Variants in CNPY1 observed in about 807,000 individuals in gnomAD.
The protein encoded by CNPY1 is canopy FGF signaling regulator 1.
In CNPY1, 14 loss-of-function variants were observed where a neutral mutation model predicts 14.4. The ratio of observed to expected loss-of-function variants is 0.97; its 90% CI spans 0.64 to 1.52. The LOEUF is 1.52. CNPY1 is among the 40% of genes most tolerant of loss of function. CNPY1 has a pLI of 0.00. For synonymous variants in CNPY1, 43 were observed against 46.5 expected, an observed-to-expected ratio of 0.92 and a Z score of 0.31; for missense variants, 129 against 131.5, an observed-to-expected ratio of 0.98 and a Z score of 0.09.
rs188552485 is a variant in CNPY1 at position 155,511,181 on chromosome 7, G to C, written c.100-2084C>G. On this transcript the variant is annotated intron_variant, in intron 2 of 4. Transcript: ENST00000636446. ...GAAAAGTAAACATACTTGATACTTG[G>C]GGGGATGGGGACAGAGCCAGGAGGA... Among the ~76,000 whole-genome samples the C allele has an allele frequency of 5.9e-5, 9 of 152,232 alleles. No individual in the cohort carries two copies. In the East Asian group the frequency reaches 1.7e-3, roughly 29 times the overall value.
intron 4 of CNPY1, among the ~76,000 whole-genome samples, chr7:155,505,206 C>T (rs1369656334): frequency 1.3e-5 from 2 of 152,154 alleles, no homozygotes; most frequent in African/African-American, 2.4e-5. Flanking sequence ...CATGAAGAAA[C>T]ATTACCTGAA....
chr7:155,533,228 G>A (rs930943240), intron 2 of CNPY1, among the ~76,000 whole-genome samples: 23 of 152,180 alleles, frequency 1.5e-4, no homozygotes, highest in African/African-American at 5.1e-4. Context: ...CGCGCCCGAC[G>A]GGAACGGCTG....
At chr7:155,521,412 C>G (rs1192199889) in intron 2 of CNPY1, among the ~76,000 whole-genome samples, 1 of 152,202 alleles carries the variant, frequency 6.6e-6, no homozygotes, top group African/African-American at 2.4e-5. Flanking sequence ...CGCCATGAAG[C>G]CAAACGCTAA....
chr7:155,538,682 G>C (rs983908218), intron 2 of CNPY1, among the ~76,000 whole-genome samples: 8 of 152,178 alleles, frequency 5.3e-5, no homozygotes, highest in African/African-American at 1.9e-4. Flanking sequence ...TCTGGGGGCT[G>C]GGGGTGGGAG....
In CNPY1 at chr7:155,514,776, C is replaced by T. The variant is rs968706626; in HGVS notation, c.100-5679G>A. On this transcript the variant is annotated intron_variant, in intron 2 of 4. Transcript: ENST00000636446. ...AGGTGTGGTGGTGCATGCCTGTCATCCCAGCTACTCAGGAGGCTAAGGCGG... is the reference window on the plus strand; with the variant it reads ...AGGTGTGGTGGTGCATGCCTGTCATTCCAGCTACTCAGGAGGCTAAGGCGG... Among the ~76,000 whole-genome samples, 4 of 152,210 alleles carry T rather than the reference C, an allele frequency of 2.6e-5. No individual in the cohort carries two copies. In the East Asian group the frequency reaches 7.7e-4, roughly 29 times the overall value.
intron 2 of CNPY1, among the ~76,000 whole-genome samples, chr7:155,523,673 G>C (rs915269411): frequency 2.0e-5 from 3 of 152,210 alleles, no homozygotes; most frequent in African/African-American, 7.2e-5. Context: ...TTGGATAGTG[G>C]AGAGTGCCCC....
At chr7:155,524,924 T>G (rs1403209638) in intron 2 of CNPY1, among the ~76,000 whole-genome samples, 1 of 152,022 alleles carries the variant, frequency 6.6e-6, no homozygotes, top group Non-Finnish European at 1.5e-5. Context: ...CAAGGGAAGA[T>G]TCAGGTCTAT....
rs1264783027 is a variant in CNPY1 at position 155,501,311 on chromosome 7, T to A, written c.*1757A>T. 1 of 152,204 alleles carries A rather than the reference T, an allele frequency of 6.6e-6. No homozygotes were observed. Among genetic ancestry groups the A allele is most frequent in the Non-Finnish European group, 1.5e-5 (1 of 68,024 alleles). 9.4% of individuals were successfully genotyped at this position (152,204 alleles called of 1,614,324 possible). The stretch of plus-strand genomic sequence containing the variant: ...AGGAGGTGCACCTCCCCACGTCCGT[T>A]TAGTTACAAACAGGAGCCCACATTT... On this transcript the variant is annotated 3_prime_UTR_variant, in exon 5 of 5. Transcript: ENST00000636446.
intron 2 of CNPY1, among the ~76,000 whole-genome samples, chr7:155,529,772 TTTTC>T (rs1220813747): frequency 1.6e-5 from 2 of 125,724 alleles, no homozygotes; most frequent in Admixed American, 8.2e-5. Flanking sequence ...TTCAAGTTTC[TTTTC>T]TTTTTTTTTT....
chr7:155,505,152 G>A (rs1023020725), intron 4 of CNPY1, among the ~76,000 whole-genome samples: 1 of 151,996 alleles, frequency 6.6e-6, no homozygotes. Flanking sequence ...ATTTATTCTC[G>A]GTTTTTAACT....
intron 2 of CNPY1, among the ~76,000 whole-genome samples, chr7:155,513,810 A>C (rs1265964866): frequency 2.0e-5 from 3 of 152,242 alleles, no homozygotes; most frequent in Non-Finnish European, 4.4e-5. Flanking sequence ...ATGAAGTTAA[A>C]AAACACACTT....
chr7:155,508,910 C>A lies in CNPY1; in HGVS notation c.287G>T (p.Arg96Ile), dbSNP rs1305203139. ...KKLYFYSDAY[R>I]PLKFACETII... Reference sequence around the variant, plus strand: ...AGAGCTTACCGCAAATTTCAAAGGTCTGTAAGCATCAGAATAAAAATACAA... The same window carrying A: ...AGAGCTTACCGCAAATTTCAAAGGTATGTAAGCATCAGAATAAAAATACAA... Residue 96 changes from arginine to isoleucine, a missense_variant, in exon 3 of 5, where the codon AGA (arginine) becomes ATA (isoleucine). By Grantham distance (97) the Arg-to-Ile change is moderately conservative (BLOSUM62 -3). Transcript: ENST00000636446. The A allele has an allele frequency of 1.2e-6, 2 of 1,613,628 alleles. No individual in the cohort carries two copies. Among genetic ancestry groups the A allele is most frequent in the African/African-American group, 2.7e-5 (2 of 74,888 alleles).
At position 155,513,797 on chromosome 7, in the gene CNPY1, T is replaced by C. The variant is rs528134427; in HGVS notation, c.100-4700A>G. Reference sequence around the variant, plus strand: ...TGGGGGTCATCTAACAATTTGATTCTTTATGAAGTTAAAAAACACACTTTC... The same window carrying C: ...TGGGGGTCATCTAACAATTTGATTCCTTATGAAGTTAAAAAACACACTTTC... On this transcript the variant is annotated intron_variant, in intron 2 of 4. Coordinates refer to ENST00000636446, the MANE Select transcript of CNPY1 (RefSeq NM_001393663.1). Among the ~76,000 whole-genome samples, 15 of 152,330 alleles carry C rather than the reference T, an allele frequency of 9.8e-5. No individual in the cohort carries two copies. The South Asian group carries it at 3.1e-3, about 32-fold the overall frequency.
intron 2 of CNPY1, among the ~76,000 whole-genome samples, chr7:155,540,074 G>A (rs780839171): frequency 5.9e-5 from 9 of 152,168 alleles, no homozygotes; most frequent in Non-Finnish European, 1.0e-4. Flanking sequence ...TCTCTCCTCT[G>A]GTGGCTAAAT....
intron 4 of CNPY1, 193 bp downstream of exon 4, chr7:155,506,827 C>T (rs1157045867): frequency 1.2e-5 from 7 of 583,212 alleles, no homozygotes; most frequent in Non-Finnish European, 1.8e-5. Flanking sequence ...GAAGGCCACA[C>T]AGCCCTGTGG....
intron 2 of CNPY1, among the ~76,000 whole-genome samples, chr7:155,520,864 T>C (rs1260969033): frequency 1.3e-5 from 2 of 152,138 alleles, no homozygotes; most frequent in African/African-American, 4.8e-5. Context: ...CAGGGGCTCA[T>C]GCCTATAATC....
chr7:155,509,000 T>C lies in CNPY1; in HGVS notation c.197A>G (p.Lys66Arg). 6.2e-7 allele frequency: 1 copy of C among 1,613,274 alleles called. No homozygotes were observed. Among genetic ancestry groups the C allele is most frequent in the Non-Finnish European group, 8.5e-7 (1 of 1,179,260 alleles). ...AGCGAATCTCTTGAAAGTTCTCTCC[T>C]TCGTCACAGGGTCTTCCTCAAGCTT... ...DYKLEEDPVT[K>R]ERTFKRFAPR... The change falls in exon 3 of 5, where the codon AAG (lysine) becomes AGG (arginine). Residue 66 changes from lysine to arginine, a missense_variant. Physicochemically the swap from Lys to Arg is conservative, Grantham distance 26. Coordinates refer to ENST00000636446, the MANE Select transcript of CNPY1 (RefSeq NM_001393663.1).
At chr7:155,542,915 G>A (rs896090488) in intron 2 of CNPY1, among the ~76,000 whole-genome samples, 8 of 151,440 alleles carry the variant, frequency 5.3e-5, no homozygotes, top group Non-Finnish European at 1.0e-4. Flanking sequence ...GAGGCTAGAC[G>A]GAGAGAATAG....
chr7:155,514,546 T>C (rs2116700936), intron 2 of CNPY1, among the ~76,000 whole-genome samples: 1 of 152,328 alleles, frequency 6.6e-6, no homozygotes, highest in African/African-American at 2.4e-5. Context: ...TTGGGGCATT[T>C]CCCAACTTGG....
Sources: gnomAD v4.1 joint callset for allele counts (sites outside exome capture counted in the v4.1 genomes callset) on GRCh38, gnomAD v4.1.1 for gene constraint, MANE v1.5 for transcripts, NCBI Gene and HGNC (gene_info 2026-07-23, HGNC 2026-07-21) for gene names.